The following MAP4K4 variants were observed in gnomAD, a reference collection of about 807,000 sequenced individuals.
MAP4K4 encodes the protein mitogen-activated protein kinase kinase kinase kinase 4.
In MAP4K4, 38 loss-of-function variants were observed where a neutral mutation model predicts 189.6. That is an observed-to-expected ratio of 0.20 (90% CI 0.15 to 0.26). MAP4K4 has a LOEUF of 0.26. Among genes scored for constraint, MAP4K4 ranks in the 10% least tolerant of loss-of-function variants. The probability of loss-of-function intolerance (pLI) is 1.00; values close to 1 mark genes in which losing one functional copy is unlikely to be tolerated. For missense variants in MAP4K4, 1,054 were observed against 1,726.9 expected (o/e 0.61, Z 6.91); for synonymous variants, 610 against 624.3 (o/e 0.98, Z 0.34).
chr2:101,857,510 TTC>T (rs1156562246), intron 13 of MAP4K4, among the ~76,000 whole-genome samples: 4 of 152,226 alleles, frequency 2.6e-5, no homozygotes, highest in Non-Finnish European at 5.9e-5. Flanking sequence ...TAAGATTTAA[TTC>T]TGTTTTGTTC....
At chr2:101,844,107 T>C (rs2097014209) in exon 12 of MAP4K4, 1 of 1,610,752 alleles carries the variant, frequency 6.2e-7, no homozygotes, top group Admixed American at 1.7e-5. Flanking sequence ...ACAGTTCCAT[T>C]GTGAACGTGC....
exon 15 of MAP4K4, chr2:101,859,831 A>G (rs1327177887): frequency 1.9e-6 from 3 of 1,609,560 alleles, no homozygotes; most frequent in Non-Finnish European, 2.5e-6. Flanking sequence ...CCGAGCCCAA[A>G]GCCCACTACG....
intron 2 of MAP4K4, among the ~76,000 whole-genome samples, chr2:101,717,480 A>G (rs1195426805): frequency 2.0e-5 from 3 of 152,246 alleles, no homozygotes; most frequent in African/African-American, 7.2e-5. Context: ...AGGCTCTCAT[A>G]TAATAACTCT....
At chr2:101,822,109 GT>G (rs138403491) in intron 3 of MAP4K4, among the ~76,000 whole-genome samples, 1,626 of 152,218 alleles carry the variant, frequency 0.011, 37 homozygotes, top group African/African-American at 0.037. Context: ...GCTATTGTAA[GT>G]TGACTTTTTT....
intron 2 of MAP4K4, among the ~76,000 whole-genome samples, chr2:101,725,602 A>G (rs2054873276): frequency 6.6e-6 from 1 of 152,180 alleles, no homozygotes. Context: ...TCTGTGTGGT[A>G]CACTTGAACT....
chr2:101,840,001 A>AG lies in MAP4K4; in HGVS notation c.949+8dup. ...AAGAAGAGAGGCGAGAAAGGTACTAAGCCTGTTTTTGTTTTCATCCTTTAA... is the reference window on the plus strand; with the variant it reads ...AAGAAGAGAGGCGAGAAAGGTACTAAGGCCTGTTTTTGTTTTCATCCTTTAA... On this transcript the variant is annotated splice_region_variant and intron_variant, in intron 10 of 32. Transcript: ENST00000324219. 1 of 1,580,940 alleles carries AG rather than the reference A, an allele frequency of 6.3e-7. No homozygotes were observed. Among genetic ancestry groups the AG allele is most frequent in the Non-Finnish European group, 8.6e-7 (1 of 1,169,402 alleles).
intron 2 of MAP4K4, among the ~76,000 whole-genome samples, chr2:101,757,186 C>G (rs143743974): frequency 6.6e-6 from 1 of 152,154 alleles, no homozygotes; most frequent in Admixed American, 6.5e-5. Context: ...TATACAATTA[C>G]AATGTCATCA....
intron 2 of MAP4K4, among the ~76,000 whole-genome samples, chr2:101,730,960 A>G (rs909263212): frequency 8.6e-5 from 13 of 151,488 alleles, no homozygotes; most frequent in African/African-American, 3.2e-4. Flanking sequence ...GCAGGAGAAT[A>G]GTGTGAACCC....
rs139702190 is a variant in MAP4K4, at chr2:101,726,087, G to A, written c.123+27549G>A. On this transcript the variant is annotated intron_variant, in intron 2 of 32. Coordinates refer to ENST00000324219, the Ensembl canonical transcript of MAP4K4. ...TGGGTATTGCTGCTAGAATGAATGT[G>A]GACTTTGGCTTGGGATAACTCATTT... Among the ~76,000 whole-genome samples the A allele has an allele frequency of 2.9e-3, 441 of 152,238 alleles. 2 individuals carry two copies. The highest frequency in any genetic ancestry group is 0.01 in the African/African-American group (425 of 41,546).
At chr2:101,714,585 G>A (rs991703579) in intron 2 of MAP4K4, among the ~76,000 whole-genome samples, 3 of 152,078 alleles carry the variant, frequency 2.0e-5, no homozygotes, top group Non-Finnish European at 2.9e-5. Flanking sequence ...TCAAAAAACC[G>A]TGAGAAAATG....
chr2:101,775,684 C>G (rs900426576), intron 2 of MAP4K4, among the ~76,000 whole-genome samples: 4 of 152,144 alleles, frequency 2.6e-5, no homozygotes, highest in African/African-American at 9.7e-5. Flanking sequence ...TTCAAATTCT[C>G]GAAGCCCAGG....
At chr2:101,794,284 A>G (rs1033999633) in intron 3 of MAP4K4, among the ~76,000 whole-genome samples, 3 of 152,224 alleles carry the variant, frequency 2.0e-5, no homozygotes, top group Non-Finnish European at 2.9e-5. Context: ...AAAATCTTGC[A>G]TAACTATAGT....
At chr2:101,836,015 T>G (rs2096738883) in intron 9 of MAP4K4, 37 bp downstream of exon 9, 2 of 1,453,972 alleles carry the variant, frequency 1.4e-6, no homozygotes, top group South Asian at 2.3e-5. Context: ...TCTTTTCCCT[T>G]TTTTTTAAAT....
At chr2:101,772,662 C>G (rs1297409393) in intron 2 of MAP4K4, among the ~76,000 whole-genome samples, 6 of 152,182 alleles carry the variant, frequency 3.9e-5, no homozygotes, top group Non-Finnish European at 5.9e-5. Context: ...GTGCATAACA[C>G]AAAACTAAAT....
At chr2:101,741,303 G>T (rs904733874) in intron 2 of MAP4K4, among the ~76,000 whole-genome samples, 4 of 151,848 alleles carry the variant, frequency 2.6e-5, no homozygotes, top group African/African-American at 4.8e-5. Context: ...GAGTAGCTGG[G>T]ACTACAGGCG....
intron 2 of MAP4K4, among the ~76,000 whole-genome samples, chr2:101,772,152 TTGGG>T (rs1483098076): frequency 6.6e-6 from 1 of 152,262 alleles, no homozygotes; most frequent in East Asian, 1.9e-4. Context: ...TGGACTCAAC[TTGGG>T]CATGGCCCCT....
chr2:101,876,870 T>C, intron 26 of MAP4K4, 133 bp from the exon 27 acceptor site: 1 of 813,118 alleles, frequency 1.2e-6, no homozygotes, highest in Non-Finnish European at 1.9e-6. Context: ...TTGACTATTT[T>C]AAGGATTTCT....
At chr2:101,772,016 C>T (rs1391042063) in intron 2 of MAP4K4, among the ~76,000 whole-genome samples, 1 of 152,214 alleles carries the variant, frequency 6.6e-6, no homozygotes, top group African/African-American at 2.4e-5. Flanking sequence ...CTCCCTCAGC[C>T]TGGCAAGGCC....
At chr2:101,831,311 A>T (rs1038363657) in intron 6 of MAP4K4, among the ~76,000 whole-genome samples, 2 of 151,910 alleles carry the variant, frequency 1.3e-5, no homozygotes, top group African/African-American at 2.4e-5. Context: ...TCTTATCTTT[A>T]TGGTTATTAG....
Sources: allele counts gnomAD v4.1 joint callset (sites outside exome capture counted in the v4.1 genomes callset), GRCh38; gene constraint gnomAD v4.1.1; transcripts MANE v1.5; gene names NCBI Gene and HGNC (gene_info 2026-07-23, HGNC 2026-07-21).